Variants in ABCG2 observed in about 807,000 individuals in gnomAD.
ABCG2 encodes broad substrate specificity ATP-binding cassette transporter ABCG2.
A neutral mutation model predicts 73.5 loss-of-function variants in ABCG2; 80 were observed. The ratio of observed to expected loss-of-function variants is 1.09; its 90% CI spans 0.91 to 1.31. The LOEUF (loss-of-function observed/expected upper bound fraction) is 1.31. Ranked by LOEUF, ABCG2 falls within the 50% of genes most tolerant of loss-of-function variation. ABCG2 has a pLI of 0.00. For synonymous variants in ABCG2, 269 were observed against 282.4 expected (o/e 0.95, Z 0.48); for missense variants, 796 against 786.2 (o/e 1.01, Z -0.15).
At chr4:88,178,693 C>A (rs28878270) in intron 1 of ABCG2, among the ~76,000 whole-genome samples, 1 of 152,116 alleles carries the variant, frequency 6.6e-6, no homozygotes. Context: ...AGCCCACTGC[C>A]TGAAGGGAGA....
chr4:88,177,730 G>A (rs1728067421), intron 1 of ABCG2, among the ~76,000 whole-genome samples: 1 of 152,174 alleles, frequency 6.6e-6, no homozygotes, highest in South Asian at 2.1e-4. Flanking sequence ...TCTCGGCAGT[G>A]GCCACATACC....
intron 1 of ABCG2, chr4:88,201,688 A>G (rs1403279408): frequency 1.3e-5 from 2 of 152,240 alleles, no homozygotes; most frequent in Non-Finnish European, 2.9e-5. Context: ...GGAGCTGGTT[A>G]GAAATGCAAT....
chr4:88,202,890 C>T (rs888002705), intron 1 of ABCG2, among the ~76,000 whole-genome samples: 5 of 151,972 alleles, frequency 3.3e-5, no homozygotes, highest in African/African-American at 7.3e-5. Context: ...AAAATAAATT[C>T]GAGAGATTAT....
chr4:88,125,437 T>C (rs1724327664), intron 5 of ABCG2, among the ~76,000 whole-genome samples: 2 of 151,118 alleles, frequency 1.3e-5, no homozygotes, highest in South Asian at 4.2e-4. Context: ...TGAAATGCCA[T>C]CTCTAATAAA....
At chr4:88,226,378 A>G (rs1040727572) in intron 1 of ABCG2, among the ~76,000 whole-genome samples, 1 of 152,218 alleles carries the variant, frequency 6.6e-6, no homozygotes, top group Non-Finnish European at 1.5e-5. Context: ...ACACAAGAAC[A>G]TGTTTGACCA....
upstream of ABCG2, chr4:88,163,792 G>A: frequency 2.8e-6 from 1 of 354,768 alleles, no homozygotes; most frequent in Admixed American, 3.4e-5. Flanking sequence ...CAACAAAGCT[G>A]TCTGGGCCAA....
At chr4:88,121,834 C>A in intron 5 of ABCG2, 42 bp from the exon 6 acceptor site, 2 of 1,587,954 alleles carry the variant, frequency 1.3e-6, no homozygotes, top group South Asian at 2.3e-5. Flanking sequence ...AACAACCAGT[C>A]ATTATCATTT....
chr4:88,126,702 T>C (rs200633153), intron 5 of ABCG2, among the ~76,000 whole-genome samples: 3 of 152,078 alleles, frequency 2.0e-5, no homozygotes, highest in Admixed American at 6.6e-5. Flanking sequence ...ATAGATGCAG[T>C]AAGGCCTTCG....
intron 7 of ABCG2, among the ~76,000 whole-genome samples, chr4:88,115,967 A>T (rs1181775501): frequency 6.6e-6 from 1 of 152,140 alleles, no homozygotes; most frequent in Admixed American, 6.6e-5. Flanking sequence ...GGCCGAGACC[A>T]GCAAACCACT....
intron 9 of ABCG2, among the ~76,000 whole-genome samples, chr4:88,110,713 AT>A (rs1723079235): frequency 6.6e-6 from 1 of 152,080 alleles, no homozygotes; most frequent in Non-Finnish European, 1.5e-5. Flanking sequence ...TATTCATGTT[AT>A]GAGCTTGGCT....
At chr4:88,136,638 T>C (rs1378351926) in intron 2 of ABCG2, among the ~76,000 whole-genome samples, 2 of 152,146 alleles carry the variant, frequency 1.3e-5, no homozygotes, top group Non-Finnish European at 2.9e-5. Flanking sequence ...CCCAAGAGAT[T>C]GAGGCTGCAG....
intron 1 of ABCG2, chr4:88,226,661 T>C (rs1730225498): frequency 6.6e-6 from 1 of 152,342 alleles, no homozygotes; most frequent in South Asian, 2.1e-4. Flanking sequence ...AGCTTGCACA[T>C]GTGATAGCAT....
chr4:88,185,479 A>G (rs968359317), intron 1 of ABCG2, among the ~76,000 whole-genome samples: 3 of 152,224 alleles, frequency 2.0e-5, no homozygotes, highest in African/African-American at 7.2e-5. Flanking sequence ...ACAGGCAACT[A>G]AAGCAAAAAT....
upstream of ABCG2, among the ~76,000 whole-genome samples, chr4:88,231,525 C>T (rs766442580): frequency 6.6e-6 from 1 of 152,150 alleles, no homozygotes; most frequent in East Asian, 1.9e-4. Flanking sequence ...ATCTCCAACA[C>T]AAACAGCAAC....
chr4:88,218,678 A>G (rs1312891434), intron 1 of ABCG2, among the ~76,000 whole-genome samples: 1 of 152,194 alleles, frequency 6.6e-6, no homozygotes, highest in Non-Finnish European at 1.5e-5. Context: ...TATGAGTGAG[A>G]ACGTACGCAC....
intron 1 of ABCG2, among the ~76,000 whole-genome samples, chr4:88,183,086 TAAAAAAAAAAAAAA>T (rs57261009): frequency 1.5e-5 from 1 of 68,912 alleles, no homozygotes; most frequent in African/African-American, 6.0e-5. Context: ...CTCCGTCTCA[TAAAAAAAAAAAAAA>T]AAAAAAAAAA....
intron 1 of ABCG2, among the ~76,000 whole-genome samples, chr4:88,227,555 C>G (rs1261572338): frequency 6.6e-6 from 1 of 152,092 alleles, no homozygotes; most frequent in African/African-American, 2.4e-5. Context: ...CACCTGGGAG[C>G]TTATTAGAAT....
At chr4:88,157,573 A>C (rs1323538179) in intron 1 of ABCG2, among the ~76,000 whole-genome samples, 1 of 152,210 alleles carries the variant, frequency 6.6e-6, no homozygotes, top group African/African-American at 2.4e-5. Context: ...AAGTTATTAT[A>C]AAATAAATAA....
rs375472554 is a variant in ABCG2, at chr4:88,151,221, A to G, written c.-20+7165T>C. On this transcript the variant is annotated intron_variant, in intron 1 of 15. Coordinates refer to ENST00000237612, the MANE Select transcript of ABCG2 (RefSeq NM_004827.3). ...ACTCCACCAAATTGGCACTGTGGGA[A>G]GATTAGCAGCAGTGAGGTGGGTCAT... Among the ~76,000 whole-genome samples, 109 of 152,284 alleles carry G rather than the reference A, an allele frequency of 7.2e-4. 6 individuals are homozygous for G. In the South Asian group the frequency reaches 0.02, roughly 28 times the overall value.
Sources: gnomAD v4.1 joint callset for allele counts (sites outside exome capture counted in the v4.1 genomes callset) on GRCh38, gnomAD v4.1.1 for gene constraint, MANE v1.5 for transcripts, NCBI Gene and HGNC (gene_info 2026-07-23, HGNC 2026-07-21) for gene names.